Variants in NRXN3 observed in about 807,000 individuals in gnomAD.
NRXN3 encodes the protein neurexin 3.
A neutral mutation model predicts 137.6 loss-of-function variants in NRXN3; 32 were observed. The ratio of observed to expected loss-of-function variants is 0.23; its 90% CI spans 0.18 to 0.31. The LOEUF is 0.31. NRXN3 is among the 10% of genes least tolerant of loss of function. NRXN3 has a pLI of 1.00. For missense variants in NRXN3, 1,574 were observed against 2,062.5 expected (o/e 0.76, Z 4.59); for synonymous variants, 798 against 784.5 (o/e 1.02, Z -0.29).
At chr14:78,222,553 A>G (rs906491677) in intron 1 of NRXN3, among the ~76,000 whole-genome samples, 2 of 151,980 alleles carry the variant, frequency 1.3e-5, no homozygotes, top group African/African-American at 4.8e-5. Context: ...GATCTGTACT[A>G]TACTTGGGAT....
chr14:78,856,218 A>G (rs1243887191), intron 10 of NRXN3, among the ~76,000 whole-genome samples: 1 of 152,156 alleles, frequency 6.6e-6, no homozygotes, highest in East Asian at 1.9e-4. Context: ...CTTCAATACC[A>G]TTTTGGTTCA....
chr14:79,819,428 T>C (rs1291263241), intron 20 of NRXN3, among the ~76,000 whole-genome samples: 1 of 150,368 alleles, frequency 6.7e-6, no homozygotes, highest in African/African-American at 2.4e-5. Flanking sequence ...CAACATTTGT[T>C]GAGTTCTCCA....
intron 19 of NRXN3, among the ~76,000 whole-genome samples, chr14:79,772,423 A>G (rs1483586442): frequency 1.3e-5 from 2 of 152,170 alleles, no homozygotes; most frequent in Non-Finnish European, 2.9e-5. Context: ...TGGTACCAAA[A>G]CAGAGATATA....
intron 20 of NRXN3, among the ~76,000 whole-genome samples, chr14:79,818,041 C>A: frequency 7.3e-6 from 1 of 136,900 alleles, no homozygotes; most frequent in East Asian, 2.4e-4. Flanking sequence ...AATATGTGCA[C>A]TTGGGTTTTT....
intron 10 of NRXN3, among the ~76,000 whole-genome samples, chr14:78,824,909 A>G (rs1475660756): frequency 6.6e-6 from 1 of 152,172 alleles, no homozygotes; most frequent in Non-Finnish European, 1.5e-5. Flanking sequence ...CCTGTATCAA[A>G]ATATTTCATA....
chr14:79,354,423 T>G (rs2093345492), intron 15 of NRXN3, among the ~76,000 whole-genome samples: 1 of 152,142 alleles, frequency 6.6e-6, no homozygotes, highest in African/African-American at 2.4e-5. Context: ...TTTAAAAAAA[T>G]TAGGTGACTA....
intron 17 of NRXN3, among the ~76,000 whole-genome samples, chr14:79,670,555 A>G (rs2098601575): frequency 6.6e-6 from 1 of 152,140 alleles, no homozygotes; most frequent in Non-Finnish European, 1.5e-5. Context: ...CACTTCACAA[A>G]AAAAGAAAGT....
chr14:78,367,869 G>A (rs2086215005), intron 4 of NRXN3, among the ~76,000 whole-genome samples: 3 of 152,274 alleles, frequency 2.0e-5, no homozygotes, highest in Admixed American at 6.5e-5. Context: ...AAAGCTGTGG[G>A]AGAAAGATGG....
intron 16 of NRXN3, among the ~76,000 whole-genome samples, chr14:79,572,304 A>G (rs1041202338): frequency 6.6e-6 from 1 of 152,220 alleles, no homozygotes; most frequent in African/African-American, 2.4e-5. Flanking sequence ...AAAATCTAAG[A>G]TACCACAGTA....
chr14:79,197,091 T>A (rs2065239640), intron 15 of NRXN3, among the ~76,000 whole-genome samples: 1 of 152,184 alleles, frequency 6.6e-6, no homozygotes, highest in African/African-American at 2.4e-5. Flanking sequence ...TTGGGCAAAT[T>A]CTTTTCTGTT....
At position 78,429,165 on chromosome 14, in the gene NRXN3, C is replaced by T. The variant is rs79357851; in HGVS notation, c.757+131305C>T. On this transcript the variant is annotated intron_variant, in intron 4 of 20. Coordinates refer to ENST00000335750, the MANE Select transcript of NRXN3 (RefSeq NM_001330195.2). Reference sequence around the variant, plus strand: ...ATCTTGGCTCACTGCAACCCTCCACCTCTTGGGTTCAAGCAATTCTCGTGC... The same window carrying T: ...ATCTTGGCTCACTGCAACCCTCCACTTCTTGGGTTCAAGCAATTCTCGTGC... Among the ~76,000 whole-genome samples the T allele has an allele frequency of 2.0e-4, 30 of 152,080 alleles. No individual in the cohort carries two copies. The East Asian group carries it at 5.8e-3, about 29-fold the overall frequency.
intron 4 of NRXN3, among the ~76,000 whole-genome samples, chr14:78,641,541 T>TA (rs1178018077): frequency 6.6e-6 from 1 of 152,312 alleles, no homozygotes; most frequent in East Asian, 1.9e-4. Flanking sequence ...AGGGGAAAAT[T>TA]ATTCCATCAC....
chr14:78,344,635 T>C (rs1045106593), intron 4 of NRXN3, among the ~76,000 whole-genome samples: 2 of 152,232 alleles, frequency 1.3e-5, no homozygotes, highest in African/African-American at 4.8e-5. Flanking sequence ...GGGGGCACTT[T>C]GATAACCAAA....
intron 19 of NRXN3, among the ~76,000 whole-genome samples, chr14:79,730,988 T>C (rs1321618736): frequency 2.0e-5 from 3 of 152,208 alleles, no homozygotes; most frequent in Admixed American, 2.0e-4. Context: ...ATCGTTCTAA[T>C]GTGATGTTTC....
rs1000217301 is a variant in NRXN3, at chr14:79,627,440, C to T, written c.3445-36338C>T. Among the ~76,000 whole-genome samples the T allele has an allele frequency of 3.3e-5, 5 of 152,268 alleles. No individual in the cohort carries two copies. The South Asian group carries it at 1.0e-3, about 32-fold the overall frequency. ...TCAGCCACTGAGTTCTATCTTGGTG[C>T]ATTCCAGCCACACCCCAAAAGAATA... On this transcript the variant is annotated intron_variant, in intron 16 of 20. Coordinates refer to ENST00000335750, the MANE Select transcript of NRXN3 (RefSeq NM_001330195.2).
intron 4 of NRXN3, among the ~76,000 whole-genome samples, chr14:78,544,091 GCAGGTTCCCA>G (rs1294313560): frequency 2.0e-5 from 3 of 152,182 alleles, no homozygotes; most frequent in Non-Finnish European, 4.4e-5. Context: ...CAGATGCCCT[GCAGGTTCCCA>G]CAGGCTTCCT....
intron 15 of NRXN3, among the ~76,000 whole-genome samples, chr14:79,043,110 A>T (rs990178358): frequency 2.0e-5 from 3 of 152,214 alleles, no homozygotes; most frequent in African/African-American, 4.8e-5. Context: ...ACAATGAAAT[A>T]GGAATTAAAG....
chr14:78,781,419 G>C (rs1013834505), intron 8 of NRXN3, among the ~76,000 whole-genome samples: 1 of 152,100 alleles, frequency 6.6e-6, no homozygotes, highest in African/African-American at 2.4e-5. Context: ...CAGGTATGTA[G>C]ATATTTATTA....
At chr14:79,842,507 G>C (rs1568425267) in intron 20 of NRXN3, among the ~76,000 whole-genome samples, 1 of 152,174 alleles carries the variant, frequency 6.6e-6, no homozygotes, top group Non-Finnish European at 1.5e-5. Flanking sequence ...GCAGCTGGCA[G>C]GTCACAGTGG....
Sources: gnomAD v4.1 joint callset for allele counts (sites outside exome capture counted in the v4.1 genomes callset) on GRCh38, gnomAD v4.1.1 for gene constraint, MANE v1.5 for transcripts, NCBI Gene and HGNC (gene_info 2026-07-23, HGNC 2026-07-21) for gene names.